The following DAB2IP variants were observed in gnomAD, a reference collection of about 807,000 sequenced individuals.
DAB2IP encodes disabled homolog 2-interacting protein.
A neutral mutation model predicts 107.2 loss-of-function variants in DAB2IP; 28 were observed. The ratio of observed to expected loss-of-function variants is 0.26; its 90% CI spans 0.19 to 0.36. DAB2IP has a LOEUF of 0.36. Ranked by LOEUF, DAB2IP falls within the 10% of genes least tolerant of loss-of-function variation. The probability of loss-of-function intolerance (pLI) is 1.00; values close to 1 mark genes in which losing one functional copy is unlikely to be tolerated. For missense variants in DAB2IP, 1,400 were observed against 1,644.7 expected (o/e 0.85, Z 2.57); for synonymous variants, 755 against 706.4 (o/e 1.07, Z -1.09).
chr9:121,742,263 A>T (rs568182083), intron 3 of DAB2IP, among the ~76,000 whole-genome samples: 1 of 152,200 alleles, frequency 6.6e-6, no homozygotes, highest in African/African-American at 2.4e-5. Context: ...CCCCGTCTCT[A>T]CTAAAAAAAT....
chr9:121,697,514 TG>T (rs2118719085), intron 2 of DAB2IP, among the ~76,000 whole-genome samples: 1 of 152,334 alleles, frequency 6.6e-6, no homozygotes, highest in East Asian at 1.9e-4. Flanking sequence ...CCATGTGTCC[TG>T]GAGAGCCTAG....
intron 11 of DAB2IP, among the ~76,000 whole-genome samples, chr9:121,771,242 C>T (rs1022362085): frequency 2.6e-5 from 4 of 152,158 alleles, no homozygotes; most frequent in Non-Finnish European, 5.9e-5. Context: ...TCTGCTCTGC[C>T]TAAATAAGAC....
At position 121,772,500 on chromosome 9, in the gene DAB2IP, G is replaced by C; in HGVS notation, c.2079-107G>C. The C allele has an allele frequency of 7.8e-7, 1 of 1,290,284 alleles. No homozygotes were observed. The highest frequency in any genetic ancestry group is 1.4e-5 in the South Asian group (1 of 71,796). 79.9% of individuals were successfully genotyped at this position (1,290,284 alleles called of 1,614,324 possible). On this transcript the variant is annotated intron_variant, in intron 11 of 15. Transcript: ENST00000408936. This position sits in a 1 kb window ranked among gnomAD's most constrained non-coding sequence, Gnocchi z 4.7. ...CATCTCCCCAGCGCTGGCTCAGGCT[G>C]CCAGGCCCCGGCAGGTTGGCGGGTG...
intron 3 of DAB2IP, chr9:121,742,917 G>A (rs938253334): frequency 2.0e-6 from 2 of 985,356 alleles, no homozygotes; most frequent in African/African-American, 3.5e-5. Flanking sequence ...GGGCACCTGT[G>A]ACAGGTGAGA....
chr9:121,713,255 C>G (rs1029729529), intron 3 of DAB2IP, among the ~76,000 whole-genome samples: 2 of 152,174 alleles, frequency 1.3e-5, no homozygotes, highest in African/African-American at 4.8e-5. Flanking sequence ...CTCTTGGCCA[C>G]CAAGAAACCA....
rs528794748 is a variant in DAB2IP, at chr9:121,711,234, C to T, written c.362+11776C>T. 3.3e-5 allele frequency among the ~76,000 whole-genome samples: 5 copies of T among 152,212 alleles called. No individual in the cohort carries two copies. The East Asian group carries it at 9.7e-4, about 29-fold the overall frequency. ...ACACATTCTTAAAGATGTTAATGGGCGTTTGCGATGAGAGAATTCCATAGT... is the reference window on the plus strand; with the variant it reads ...ACACATTCTTAAAGATGTTAATGGGTGTTTGCGATGAGAGAATTCCATAGT... On this transcript the variant is annotated intron_variant, in intron 3 of 15. Coordinates refer to ENST00000408936, the Ensembl canonical transcript of DAB2IP.
At chr9:121,642,051 CTT>C (rs1491140585) in intron 1 of DAB2IP, among the ~76,000 whole-genome samples, 8,079 of 53,748 alleles carry the variant, frequency 0.15, 1,199 homozygotes, top group African/African-American at 0.34. Context: ...TTCTTTCTTT[CTT>C]TCTTTCTTTC....
intron 2 of DAB2IP, among the ~76,000 whole-genome samples, chr9:121,681,824 T>C (rs1828617356): frequency 6.6e-6 from 1 of 152,136 alleles, no homozygotes; most frequent in South Asian, 2.1e-4. Flanking sequence ...CCATGACCCA[T>C]GTGATTTCAG....
intron 3 of DAB2IP, among the ~76,000 whole-genome samples, chr9:121,715,970 C>A (rs1347335973): frequency 1.3e-5 from 2 of 152,218 alleles, no homozygotes; most frequent in South Asian, 2.1e-4. Flanking sequence ...CCAGAGGCAT[C>A]CCACTTTGTC....
intron 1 of DAB2IP, among the ~76,000 whole-genome samples, chr9:121,674,353 C>T (rs1833801354): frequency 6.6e-6 from 1 of 152,196 alleles, no homozygotes; most frequent in South Asian, 2.1e-4. Context: ...AACTAGGGGC[C>T]ACACAGGAGA....
chr9:121,666,391 T>A (rs779742939), intron 1 of DAB2IP, among the ~76,000 whole-genome samples: 4 of 152,256 alleles, frequency 2.6e-5, no homozygotes, highest in South Asian at 2.1e-4. Flanking sequence ...GGAACATTAT[T>A]GTGCGTAGCA....
intron 1 of DAB2IP, among the ~76,000 whole-genome samples, chr9:121,629,402 G>A (rs900389864): frequency 2.0e-5 from 3 of 152,118 alleles, no homozygotes; most frequent in African/African-American, 7.2e-5. Context: ...ATGTCCCCAA[G>A]CAGCATTGGG....
intron 1 of DAB2IP, among the ~76,000 whole-genome samples, chr9:121,602,035 G>A (rs556292614): frequency 5.3e-5 from 8 of 151,910 alleles, no homozygotes; most frequent in Non-Finnish European, 1.0e-4. Context: ...TAAACCACCC[G>A]CCACTCCCAC....
At chr9:121,756,888 GGA>G in intron 3 of DAB2IP, 123 bp from the exon 4 acceptor site, 1 of 1,301,902 alleles carries the variant, frequency 7.7e-7, no homozygotes. Flanking sequence ...AAGACAGAAA[GGA>G]GAGAGAGTGG....
At chr9:121,614,382 C>T (rs1470726144) in intron 1 of DAB2IP, among the ~76,000 whole-genome samples, 11 of 143,340 alleles carry the variant, frequency 7.7e-5, no homozygotes, top group African/African-American at 2.6e-4. Flanking sequence ...GCTCTGTTGC[C>T]GAGGCTGGAG....
chr9:121,651,849 G>A lies in DAB2IP; in HGVS notation c.74G>A (p.Arg25Gln). ...TACTACCGGCTGCTGAGGCGGCCCC[G>A]GCTGCAGCGACAGAGGAGCCGCTCC... Residue 25 changes from arginine (R) to glutamine (Q), a missense_variant, in exon 1 of 16, where the codon CGG becomes CAG. Physicochemically the swap from Arg to Gln is conservative, Grantham distance 43. This residue lies in a region of DAB2IP where 283 missense variants were observed against 237.0 expected (regional missense o/e 1.19). Transcript: ENST00000408936. The surrounding 1 kb of genome is among the most constrained non-coding windows in gnomAD (Gnocchi z 5.1). 6.8e-7 allele frequency: 1 copy of A among 1,464,250 alleles called. No individual in the cohort carries two copies. Among genetic ancestry groups the A allele is most frequent in the Non-Finnish European group, 9.1e-7 (1 of 1,104,960 alleles). The allele number at this position is 1,464,250 out of a possible 1,614,324, so 90.7% of individuals were successfully genotyped here.
In DAB2IP at chr9:121,684,265, T is replaced by C. The variant is rs1019280426; in HGVS notation, c.228+5484T>C. Among the ~76,000 whole-genome samples, 6 of 152,086 alleles carry C rather than the reference T, an allele frequency of 3.9e-5. No individual in the cohort carries two copies. Among genetic ancestry groups the C allele is most frequent in the African/African-American group, 1.4e-4 (6 of 41,410 alleles). ...ACCCTTCCCTATACAGAGGAGGGAC[T>C]GAGAATCATAGACGGGAGGGTCCTT... On this transcript the variant is annotated intron_variant, in intron 2 of 15. Transcript: ENST00000408936. This position sits in a 1 kb window ranked among gnomAD's most constrained non-coding sequence, Gnocchi z 4.0.
At chr9:121,590,327 G>A (rs1830400507) in intron 1 of DAB2IP, among the ~76,000 whole-genome samples, 1 of 150,872 alleles carries the variant, frequency 6.6e-6, no homozygotes, top group Non-Finnish European at 1.5e-5. Flanking sequence ...CCTGCTCCAG[G>A]GTCTTGTGGG....
At chr9:121,689,687 C>T (rs913338136) in intron 2 of DAB2IP, among the ~76,000 whole-genome samples, 1 of 152,218 alleles carries the variant, frequency 6.6e-6, no homozygotes, top group Non-Finnish European at 1.5e-5. Flanking sequence ...TCCTACCCAA[C>T]AGAAGCTCCC....
Sources: gnomAD v4.1 joint callset for allele counts (sites outside exome capture counted in the v4.1 genomes callset) on GRCh38, gnomAD v4.1.1 for gene constraint, gnomAD v4.1.1 regional missense constraint, Gnocchi (gnomAD v3.1) non-coding constraint, MANE v1.5 for transcripts, NCBI Gene and HGNC (gene_info 2026-07-23, HGNC 2026-07-21) for gene names.